CDC7: variants seen among roughly 807,000 people sequenced by gnomAD.
CDC7 encodes the protein cell division cycle 7.
A neutral mutation model predicts 53.5 loss-of-function variants in CDC7; 34 were observed. The ratio of observed to expected loss-of-function variants is 0.64; its 90% CI spans 0.48 to 0.85. The LOEUF is 0.85. Among genes scored for constraint, CDC7 ranks in the 40% least tolerant of loss-of-function variants. CDC7 has a pLI of 0.00. For missense variants in CDC7, 594 were observed against 679.7 expected (o/e 0.87, Z 1.40); for synonymous variants, 211 against 222.8 (o/e 0.95, Z 0.47).
intron 2 of CDC7, among the ~76,000 whole-genome samples, chr1:91,502,918 T>C (rs1056372566): frequency 7.2e-5 from 11 of 152,192 alleles, no homozygotes; most frequent in African/African-American, 2.7e-4. Flanking sequence ...TTTCCATTTT[T>C]CCAGCAGTTA....
At chr1:91,506,136 C>G (rs1486054929) in intron 2 of CDC7, among the ~76,000 whole-genome samples, 1 of 152,122 alleles carries the variant, frequency 6.6e-6, no homozygotes. Flanking sequence ...GTCTCTGTAG[C>G]TGAGACTACA....
At position 91,513,049 on chromosome 1, in the gene CDC7, G is replaced by GAA. The variant is rs1557593438; in HGVS notation, c.573-9_573-8insAA. The GAA allele has an allele frequency of 6.2e-7, 1 of 1,609,816 alleles. No homozygotes were observed. The highest frequency in any genetic ancestry group is 1.7e-4 in the Middle Eastern group (1 of 6,026). ...CAGATAAGTAAAAATGCTTAATTTT[G>GAA]TCTCTTAGGTATGCCTTGGTAGACT... On this transcript the variant is annotated splice_polypyrimidine_tract_variant and intron_variant, in intron 6 of 11. Transcript: ENST00000234626.
Position 91,524,731 on chromosome 1 carries a change from A to ACT in CDC7, c.*296_*297insCT, listed in dbSNP as rs1375418996. ...TTACCTTTCACTGACATATACAGAA[A>ACT]AAGGAGCAGTTTTAGTTTTAATTAA... On this transcript the variant is annotated 3_prime_UTR_variant, in exon 12 of 12. Transcript: ENST00000234626. The ACT allele has an allele frequency of 7.6e-6, 2 of 264,330 alleles. No homozygotes were observed. Among genetic ancestry groups the ACT allele is most frequent in the African/African-American group, 4.4e-5 (2 of 45,118 alleles). 16.4% of individuals were successfully genotyped at this position (264,330 alleles called of 1,614,324 possible).
chr1:91,513,173 A>G lies in CDC7; in HGVS notation c.688A>G (p.Ile230Val), dbSNP rs143814781. Residue 230 changes from isoleucine (I) to valine (V), a missense_variant, in exon 7 of 12, where the codon ATA (isoleucine) becomes GTA (valine). Transcript: ENST00000234626. ...QERCSQNKSH[I>V]ITGNKIPLSG... ...AAGGTGTTCACAAAACAAATCCCAC[A>G]TAATCACAGGAAACAAGATTCCACT... 3.7e-4 allele frequency: 603 copies of G among 1,613,868 alleles called. No individual in the cohort carries two copies. Among genetic ancestry groups the G allele is most frequent in the Non-Finnish European group, 4.5e-4 (530 of 1,179,830 alleles).
chr1:91,519,617 C>A (rs1014775588), intron 10 of CDC7, among the ~76,000 whole-genome samples: 1 of 151,866 alleles, frequency 6.6e-6, no homozygotes, highest in African/African-American at 2.4e-5. Context: ...TTCACAGTCA[C>A]AAAAAAATAA....
chr1:91,505,439 A>G (rs1666935755), intron 2 of CDC7, among the ~76,000 whole-genome samples: 1 of 152,202 alleles, frequency 6.6e-6, no homozygotes, highest in Non-Finnish European at 1.5e-5. Context: ...TATGTTACAG[A>G]TAGACTCCAG....
Position 91,507,915 on chromosome 1 carries a change from G to A in CDC7, c.177G>A (p.Lys59=). The A allele has an allele frequency of 6.4e-7, 1 of 1,559,184 alleles. No individual in the cohort carries two copies. The highest frequency in any genetic ancestry group is 8.7e-7 in the Non-Finnish European group (1 of 1,147,442). Residue 59 remains lysine, a synonymous_variant, in exon 3 of 12, where the codon AAG becomes AAA. Transcript: ENST00000234626. ...TACCACAGCTTAGTAATGTGTTTAA[G>A]ATTGAGGACAAAATTGGAGAAGGTA... The part of the protein sequence containing the change: ...EAVPQLSNVF[K]IEDKIGEGTF...
Position 91,524,421 on chromosome 1 carries a change from GAT to G in CDC7, c.1714_1715del (p.Met572GlufsTer16). The G allele has an allele frequency of 6.2e-7, 1 of 1,605,090 alleles. No homozygotes were observed. Among genetic ancestry groups the G allele is most frequent in the Non-Finnish European group, 8.5e-7 (1 of 1,178,328 alleles). ...EEALLHPFFK[D>X]MSL The stretch of plus-strand genomic sequence containing the variant: ...AGCTTTGTTGCATCCATTTTTTAAA[GAT>G]ATGAGCTTGTGATAATGGATCTTCA... On this transcript the variant is annotated frameshift_variant, in exon 12 of 12. Coordinates refer to ENST00000234626, the MANE Select transcript of CDC7 (RefSeq NM_003503.4). LOFTEE classifies it high-confidence loss of function.
intron 10 of CDC7, among the ~76,000 whole-genome samples, chr1:91,517,582 T>A (rs1470825575): frequency 1.3e-5 from 2 of 152,092 alleles, no homozygotes; most frequent in African/African-American, 2.4e-5. Context: ...AAATAGAGAT[T>A]TCCAGCAGAA....
At chr1:91,510,991 T>C (rs1557591242) in intron 4 of CDC7, among the ~76,000 whole-genome samples, 1 of 152,144 alleles carries the variant, frequency 6.6e-6, no homozygotes, top group Non-Finnish European at 1.5e-5. Flanking sequence ...GCAGGTACTC[T>C]CACTGACTTC....
At chr1:91,506,878 A>C (rs1056772397) in intron 2 of CDC7, among the ~76,000 whole-genome samples, 2 of 152,176 alleles carry the variant, frequency 1.3e-5, no homozygotes, top group Non-Finnish European at 2.9e-5. Flanking sequence ...TGAACGCAGG[A>C]GGCAGAGGTT....
Position 91,520,137 on chromosome 1 carries a change from CAT to C in CDC7, c.1189_1190del (p.Met397ValfsTer12). 1.9e-6 allele frequency: 3 copies of C among 1,562,428 alleles called. No individual in the cohort carries two copies. The highest frequency in any genetic ancestry group is 2.6e-6 in the Non-Finnish European group (3 of 1,159,026). On this transcript the variant is annotated frameshift_variant, in exon 11 of 12. Coordinates refer to ENST00000234626, the MANE Select transcript of CDC7 (RefSeq NM_003503.4). LOFTEE classifies it high-confidence loss of function. ...KCPNQTTAID[M>X]WSAGVIFLSL... Reference sequence around the variant, plus strand: ...ATTTGTCTTCTGTTGCAGCAATTGACATGTGGTCTGCAGGTGTCATATTTCTT... The same window carrying C: ...ATTTGTCTTCTGTTGCAGCAATTGACGTGGTCTGCAGGTGTCATATTTCTT...
In CDC7 at chr1:91,507,583, C is replaced by T. The variant is rs548478170; in HGVS notation, c.116-271C>T. Among the ~76,000 whole-genome samples the T allele has an allele frequency of 1.3e-4, 19 of 151,262 alleles. No homozygotes were observed. In the East Asian group the frequency reaches 3.6e-3, roughly 29 times the overall value. On this transcript the variant is annotated intron_variant, in intron 2 of 11. Transcript: ENST00000234626. ...ATTTGGTGCTTTTTCATGTTGTAAT[C>T]TCTACAGTAACAATGTATCTCTTAG...
chr1:91,515,337 T>C, intron 9 of CDC7, among the ~76,000 whole-genome samples: 1 of 152,154 alleles, frequency 6.6e-6, no homozygotes, highest in East Asian at 1.9e-4. Context: ...CAGAACCAAA[T>C]AGTAGAGCTC....
At chr1:91,520,092 A>G in intron 10 of CDC7, 38 bp from the exon 11 acceptor site, 1 of 1,494,870 alleles carries the variant, frequency 6.7e-7, no homozygotes, top group South Asian at 1.3e-5. Flanking sequence ...AAAATTATAG[A>G]TTTGAAATTT....
Position 91,525,460 on chromosome 1 carries a change from G to A in CDC7, c.*1025G>A, listed in dbSNP as rs1668218953. Reference sequence around the variant, plus strand: ...GGCAAAGAGAAAAGGACCCAAGATAGAGGTTTATATTCAGAAATGGTATAT... The same window carrying A: ...GGCAAAGAGAAAAGGACCCAAGATAAAGGTTTATATTCAGAAATGGTATAT... On this transcript the variant is annotated 3_prime_UTR_variant, in exon 12 of 12. Transcript: ENST00000234626. 1 of 152,120 alleles carries A rather than the reference G, an allele frequency of 6.6e-6. No individual in the cohort carries two copies. The highest frequency in any genetic ancestry group is 2.1e-4 in the South Asian group (1 of 4,832). The allele number at this position is 152,120 out of a possible 1,614,324, so 9.4% of individuals were successfully genotyped here.
At chr1:91,503,090 A>G (rs1666789408) in intron 2 of CDC7, among the ~76,000 whole-genome samples, 2 of 152,106 alleles carry the variant, frequency 1.3e-5, no homozygotes, top group African/African-American at 2.4e-5. Context: ...GTATGTTGTG[A>G]CTTCAGCAGA....
At chr1:91,513,792 C>G (rs980986327) in intron 7 of CDC7, among the ~76,000 whole-genome samples, 156 bp from the exon 8 acceptor site, 1 of 152,072 alleles carries the variant, frequency 6.6e-6, no homozygotes, top group Non-Finnish European at 1.5e-5. Flanking sequence ...AGACTATTTT[C>G]TCCTTTCACA....
At chr1:91,523,894 C>CTGTG (rs56282166) in intron 11 of CDC7, 147 bp from the exon 12 acceptor site, 33 of 556,676 alleles carry the variant, frequency 5.9e-5, no homozygotes, top group African/African-American at 5.5e-4. Context: ...CTATCTCATA[C>CTGTG]TGTGTGTGTG....
Sources: gnomAD v4.1 joint callset for allele counts (sites outside exome capture counted in the v4.1 genomes callset) on GRCh38, gnomAD v4.1.1 for gene constraint, MANE v1.5 for transcripts, NCBI Gene and HGNC (gene_info 2026-07-23, HGNC 2026-07-21) for gene names.